The following PDSS2 variants were observed in gnomAD, a reference collection of about 807,000 sequenced individuals.
PDSS2 encodes decaprenyl diphosphate synthase subunit 2, also known as all trans-polyprenyl-diphosphate synthase PDSS2.
In PDSS2, 31 loss-of-function variants were observed where a neutral mutation model predicts 44.5. That is an observed-to-expected ratio of 0.70 (90% CI 0.52 to 0.94). PDSS2 has a LOEUF of 0.94. Ranked by LOEUF, PDSS2 falls within the 40% of genes least tolerant of loss-of-function variation. The pLI is 0.00. For missense variants in PDSS2, 452 were observed against 482.2 expected (o/e 0.94, Z 0.59); for synonymous variants, 157 against 180.3 (o/e 0.87, Z 1.03).
chr6:107,165,505 T>A (rs1771311270), intron 7 of PDSS2, among the ~76,000 whole-genome samples: 1 of 152,212 alleles, frequency 6.6e-6, no homozygotes, highest in Admixed American at 6.5e-5. Context: ...GAGGGCTCTG[T>A]TCTGTTCCAT....
At chr6:107,165,243 C>T (rs1470334680) in intron 7 of PDSS2, among the ~76,000 whole-genome samples, 1 of 152,088 alleles carries the variant, frequency 6.6e-6, no homozygotes, top group Non-Finnish European at 1.5e-5. Flanking sequence ...CTTGCCCGTG[C>T]CTATGTCCTG....
At chr6:107,208,065 C>A (rs1217163158) in intron 6 of PDSS2, among the ~76,000 whole-genome samples, 1 of 133,184 alleles carries the variant, frequency 7.5e-6, no homozygotes, top group Non-Finnish European at 1.5e-5. Context: ...TGGCTCAATG[C>A]AACCTCTGCA....
At position 107,250,056 on chromosome 6, in the gene PDSS2, A is replaced by T. The variant is rs566864918; in HGVS notation, c.631-4437T>A. Among the ~76,000 whole-genome samples the T allele has an allele frequency of 1.1e-3, 163 of 152,236 alleles. 1 individual carries two copies. Among genetic ancestry groups the T allele is most frequent in the Middle Eastern group, 3.4e-3 (1 of 294 alleles). ...TACAATTCAATGATTTTTTACACTG[A>T]AAAACCAAGATGATGAATACCCTCA... On this transcript the variant is annotated intron_variant, in intron 3 of 7. Coordinates refer to ENST00000369037, the MANE Select transcript of PDSS2 (RefSeq NM_020381.4).
intron 1 of PDSS2, among the ~76,000 whole-genome samples, chr6:107,338,178 AAAAC>A (rs1263371247): frequency 9.2e-5 from 14 of 152,242 alleles, no homozygotes; most frequent in African/African-American, 1.9e-4. Context: ...GAGCAAATAA[AAAAC>A]AAACAAACAA....
intron 1 of PDSS2, 111 bp from the exon 2 acceptor site, chr6:107,334,443 T>TA (rs1562468850): frequency 2.0e-6 from 2 of 981,254 alleles, no homozygotes; most frequent in Non-Finnish European, 1.6e-6. Context: ...CAATGAGACT[T>TA]ACTGAAAAGA....
At chr6:107,306,556 T>C (rs565254685) in intron 2 of PDSS2, among the ~76,000 whole-genome samples, 1 of 152,156 alleles carries the variant, frequency 6.6e-6, no homozygotes, top group African/African-American at 2.4e-5. Context: ...CTCAAAAAAA[T>C]TGTTTAATGA....
intron 3 of PDSS2, among the ~76,000 whole-genome samples, chr6:107,269,340 C>CTGTGTG (rs58803876): frequency 0.18 from 26,373 of 143,092 alleles, 2,800 homozygotes; most frequent in Middle Eastern, 0.34. Context: ...TTTCGTGTGT[C>CTGTGTG]TGTGTGTGTG....
At chr6:107,421,807 AACAC>A (rs33978698) in intron 1 of PDSS2, among the ~76,000 whole-genome samples, 5,824 of 146,162 alleles carry the variant, frequency 0.04, 369 homozygotes, top group African/African-American at 0.14. Context: ...AATTTCACAG[AACAC>A]ACACACACAC....
chr6:107,458,412 C>CAAAAAAAAAAAAAAAAAAA lies in PDSS2; in HGVS notation c.296+559_296+577dup, dbSNP rs60758453. Among the ~76,000 whole-genome samples, 174 of 78,046 alleles carry CAAAAAAAAAAAAAAAAAAA rather than the reference C, an allele frequency of 2.2e-3. 25 individuals carry two copies. The highest frequency in any genetic ancestry group is 2.6e-3 in the African/African-American group (40 of 15,604). 51.2% of individuals were successfully genotyped at this position (78,046 alleles called of 152,430 possible). The stretch of plus-strand genomic sequence containing the variant: ...TGGGCGACAAAGCGAGACTCCGTCT[C>CAAAAAAAAAAAAAAAAAAA]AAAAAAAAAAAAAAAAAAAACTTTT... On this transcript the variant is annotated intron_variant, in intron 1 of 7. Coordinates refer to ENST00000369037, the MANE Select transcript of PDSS2 (RefSeq NM_020381.4).
intron 3 of PDSS2, among the ~76,000 whole-genome samples, chr6:107,262,945 A>G (rs998366432): frequency 3.3e-5 from 5 of 152,066 alleles, no homozygotes; most frequent in Admixed American, 3.3e-4. Flanking sequence ...AAAAATAAAG[A>G]AATAAAAATA....
chr6:107,344,486 G>A (rs1200609734), intron 1 of PDSS2, among the ~76,000 whole-genome samples: 1 of 152,124 alleles, frequency 6.6e-6, no homozygotes, highest in Non-Finnish European at 1.5e-5. Context: ...AGGAGCTGTG[G>A]CAGTCATTGA....
At position 107,459,275 on chromosome 6, in the gene PDSS2, C is replaced by G. The variant is rs3734676; in HGVS notation, c.11G>C (p.Arg4Pro). Residue 4 changes from arginine to proline, a missense_variant, in exon 1 of 8, where the codon CGG (arginine) becomes CCG (proline). Arg to Pro is a moderately radical substitution (Grantham distance 103). Coordinates refer to ENST00000369037, the MANE Select transcript of PDSS2 (RefSeq NM_020381.4). This position sits in a 1 kb window ranked among gnomAD's most constrained non-coding sequence, Gnocchi z 4.3. ...ACGTGGCAAGTGCAACAGCAGCTGC[C>G]GAAAGTTCATGGTTTGAGTCTGGAA... Reference protein sequence around the residue: MNFRQLLLHLPRYL... With the variant: MNFPQLLLHLPRYL... 6.1e-3 allele frequency: 9,765 copies of G among 1,613,900 alleles called. 329 individuals are homozygous for G. In the East Asian group the frequency reaches 0.1, roughly 17 times the overall value.
intron 3 of PDSS2, among the ~76,000 whole-genome samples, chr6:107,254,416 G>A (rs957392260): frequency 2.0e-5 from 3 of 152,048 alleles, no homozygotes; most frequent in South Asian, 4.2e-4. Flanking sequence ...TTAAAAAGTT[G>A]GTTGTGTCAA....
chr6:107,284,197 T>C (rs1349059215), intron 2 of PDSS2, among the ~76,000 whole-genome samples: 1 of 152,058 alleles, frequency 6.6e-6, no homozygotes, highest in East Asian at 1.9e-4. Context: ...TACAGAAAAG[T>C]ACAGAGAATA....
At chr6:107,278,789 A>T (rs546927705) in intron 2 of PDSS2, among the ~76,000 whole-genome samples, 1 of 152,332 alleles carries the variant, frequency 6.6e-6, no homozygotes, top group South Asian at 2.1e-4. Flanking sequence ...AGGGTCTGCC[A>T]TTTAAAAAAA....
chr6:107,361,930 G>T (rs1044089161), intron 1 of PDSS2, among the ~76,000 whole-genome samples: 1 of 152,164 alleles, frequency 6.6e-6, no homozygotes, highest in African/African-American at 2.4e-5. Flanking sequence ...TGCAGGGTAG[G>T]CTGTGAAAAC....
intron 7 of PDSS2, among the ~76,000 whole-genome samples, chr6:107,155,856 G>A (rs1770868961): frequency 7.0e-6 from 1 of 143,634 alleles, no homozygotes; most frequent in Non-Finnish European, 1.5e-5. Context: ...GGGATTACAG[G>A]CATGAGCCAC....
In PDSS2 at chr6:107,283,958, G is replaced by A. The variant is rs1018370996; in HGVS notation, c.432-9731C>T. Among the ~76,000 whole-genome samples the A allele has an allele frequency of 2.7e-5, 4 of 148,290 alleles. No homozygotes were observed. The South Asian group carries it at 8.6e-4, about 32-fold the overall frequency. ...GGAGAATAGCTTCAATCCAGGAGGT[G>A]GAGGTTGCCATGAGCCTAGATGGTG... On this transcript the variant is annotated intron_variant, in intron 2 of 7. Coordinates refer to ENST00000369037, the MANE Select transcript of PDSS2 (RefSeq NM_020381.4).
At chr6:107,376,643 T>C (rs1291242373) in intron 1 of PDSS2, among the ~76,000 whole-genome samples, 1 of 152,170 alleles carries the variant, frequency 6.6e-6, no homozygotes, top group Non-Finnish European at 1.5e-5. Flanking sequence ...GCTTATCAGC[T>C]TAAGGAGATT....
Sources: allele counts gnomAD v4.1 joint callset (sites outside exome capture counted in the v4.1 genomes callset), GRCh38; gene constraint gnomAD v4.1.1; non-coding constraint Gnocchi (gnomAD v3.1); transcripts MANE v1.5; gene names NCBI Gene and HGNC (gene_info 2026-07-23, HGNC 2026-07-21).